Variants in TRABD2B observed in about 807,000 individuals in gnomAD.
TRABD2B encodes metalloprotease TIKI2.
Under a neutral mutation model 40.1 loss-of-function variants are expected in TRABD2B, and 14 were observed. That is an observed-to-expected ratio of 0.35 (90% confidence interval 0.23 to 0.55). The LOEUF (loss-of-function observed/expected upper bound fraction) is 0.55, where lower values mean the gene tolerates loss of function less well. TRABD2B is among the 20% of genes least tolerant of loss of function. The pLI is 0.90. For synonymous variants in TRABD2B, 263 were observed against 277.0 expected (o/e 0.95, Z 0.50); for missense variants, 541 against 648.6 (o/e 0.83, Z 1.80).
chr1:47,920,559 C>G (rs545401973), intron 2 of TRABD2B, among the ~76,000 whole-genome samples: 2 of 152,358 alleles, frequency 1.3e-5, no homozygotes, highest in East Asian at 3.9e-4. Context: ...AGCTGAAAAG[C>G]ATTCTTTAGC....
chr1:47,795,923 A>G (rs1295557888), intron 3 of TRABD2B, among the ~76,000 whole-genome samples: 1 of 152,170 alleles, frequency 6.6e-6, no homozygotes, highest in Non-Finnish European at 1.5e-5. Flanking sequence ...GCCCAGCCAC[A>G]TGGCCTGGGA....
At position 47,968,545 on chromosome 1, in the gene TRABD2B, C is replaced by T. The variant is rs550606420; in HGVS notation, c.666+25489G>A. ...ACACAGGTTCACACTTTGGCATGCA[C>T]ATGCGTGCACACACACACACACACG... On this transcript the variant is annotated intron_variant, in intron 2 of 6. Transcript: ENST00000606738. Among the ~76,000 whole-genome samples the T allele has an allele frequency of 7.9e-5, 12 of 152,280 alleles. 1 individual carries two copies. The highest frequency in any genetic ancestry group is 2.6e-4 in the African/African-American group (11 of 41,564).
chr1:47,960,769 GA>G, intron 2 of TRABD2B, among the ~76,000 whole-genome samples: 1 of 152,216 alleles, frequency 6.6e-6, no homozygotes, highest in Admixed American at 6.5e-5. Context: ...TCAATATCGT[GA>G]AAATGGCCAT....
intron 4 of TRABD2B, among the ~76,000 whole-genome samples, chr1:47,778,798 A>C (rs1644482403): frequency 6.6e-6 from 1 of 152,232 alleles, no homozygotes; most frequent in African/African-American, 2.4e-5. Flanking sequence ...CTGCAAAGTG[A>C]GAATGGCTGT....
chr1:47,766,787 T>A (rs1168466330), intron 6 of TRABD2B, among the ~76,000 whole-genome samples: 1 of 152,190 alleles, frequency 6.6e-6, no homozygotes. Context: ...TGGGTCTGCC[T>A]TACTTTGCAC....
chr1:47,828,673 A>T (rs1301871148), intron 2 of TRABD2B, among the ~76,000 whole-genome samples: 3 of 152,160 alleles, frequency 2.0e-5, no homozygotes, highest in Non-Finnish European at 4.4e-5. Flanking sequence ...GGGCTTCTTC[A>T]TCCTCAGCCT....
chr1:47,883,672 C>G (rs1466302953), intron 2 of TRABD2B, among the ~76,000 whole-genome samples: 1 of 152,026 alleles, frequency 6.6e-6, no homozygotes, highest in South Asian at 2.1e-4. Context: ...TATGTACTGT[C>G]TTCACCAAAA....
chr1:47,908,874 T>A (rs1644712943), intron 2 of TRABD2B, among the ~76,000 whole-genome samples: 1 of 152,248 alleles, frequency 6.6e-6, no homozygotes, highest in South Asian at 2.1e-4. Context: ...TAGGACAGTC[T>A]GTCTGAACTG....
intron 2 of TRABD2B, among the ~76,000 whole-genome samples, chr1:47,948,879 T>G (rs1645298652): frequency 6.6e-6 from 1 of 152,158 alleles, no homozygotes; most frequent in South Asian, 2.1e-4. Context: ...CCTCTCTCAC[T>G]TTTAGTCTCC....
chr1:47,942,244 T>C (rs1645197948), intron 2 of TRABD2B, among the ~76,000 whole-genome samples: 1 of 152,166 alleles, frequency 6.6e-6, no homozygotes, highest in African/African-American at 2.4e-5. Context: ...TCACGTTCTC[T>C]ACCTATGGGT....
intron 2 of TRABD2B, among the ~76,000 whole-genome samples, chr1:47,929,695 G>A (rs546931545): frequency 9.9e-5 from 15 of 152,160 alleles, no homozygotes; most frequent in Non-Finnish European, 1.8e-4. Context: ...CCCAGCTCGG[G>A]ACCTGGCAGA....
At chr1:47,990,109 A>G (rs1477619877) in intron 2 of TRABD2B, among the ~76,000 whole-genome samples, 3 of 152,234 alleles carry the variant, frequency 2.0e-5, no homozygotes, top group African/African-American at 7.2e-5. Context: ...GTAGAATTTT[A>G]CAAACATTTT....
intron 2 of TRABD2B, among the ~76,000 whole-genome samples, chr1:47,859,491 G>A (rs1433235093): frequency 6.6e-6 from 1 of 152,182 alleles, no homozygotes; most frequent in African/African-American, 2.4e-5. Flanking sequence ...TAGCCCCTGG[G>A]CATTACCTGC....
intron 4 of TRABD2B, among the ~76,000 whole-genome samples, chr1:47,781,090 T>C (rs1229575380): frequency 6.6e-6 from 1 of 152,100 alleles, no homozygotes; most frequent in African/African-American, 2.4e-5. Flanking sequence ...GGCGGGGTCA[T>C]CCCCACTCTT....
chr1:47,921,217 G>A (rs1359045640), intron 2 of TRABD2B, among the ~76,000 whole-genome samples: 1 of 152,136 alleles, frequency 6.6e-6, no homozygotes, highest in Non-Finnish European at 1.5e-5. Flanking sequence ...GACAGGTCAC[G>A]GTAGACCAAC....
At chr1:47,769,627 A>G (rs1266760418) in intron 6 of TRABD2B, among the ~76,000 whole-genome samples, 2 of 152,154 alleles carry the variant, frequency 1.3e-5, no homozygotes, top group Non-Finnish European at 2.9e-5. Flanking sequence ...TAGGCTCACA[A>G]TGGGGGAAAC....
At chr1:47,895,468 C>T (rs1056485639) in intron 2 of TRABD2B, among the ~76,000 whole-genome samples, 11 of 152,150 alleles carry the variant, frequency 7.2e-5, no homozygotes, top group Non-Finnish European at 1.6e-4. Flanking sequence ...GCCCCCCTCC[C>T]ACCACAGTTA....
Position 47,997,232 on chromosome 1 carries a change from G to A in TRABD2B, c.-443C>T. 5 of 982,968 alleles carry A rather than the reference G, an allele frequency of 5.1e-6. No individual in the cohort carries two copies. The highest frequency in any genetic ancestry group is 6.0e-6 in the Non-Finnish European group (5 of 829,016). The allele number at this position is 982,968 out of a possible 1,614,324, so 60.9% of individuals were successfully genotyped here. ...TGCGCGGCGCTCCAGGAGGCGCGCAGTGGGACAAGTGCGGCGGAAGGCGCG... is the reference window on the plus strand; with the variant it reads ...TGCGCGGCGCTCCAGGAGGCGCGCAATGGGACAAGTGCGGCGGAAGGCGCG... On this transcript the variant is annotated 5_prime_UTR_variant, in exon 1 of 7. Coordinates refer to ENST00000606738, the MANE Select transcript of TRABD2B (RefSeq NM_001194986.2).
chr1:47,878,295 G>T lies in TRABD2B; in HGVS notation c.667-76676C>A, dbSNP rs558674040. Reference sequence around the variant, plus strand: ...CACACCACTGCACTCCAGTCTGGACGACAGAGAGAGACTCTCCCCTGCACC... The same window carrying T: ...CACACCACTGCACTCCAGTCTGGACTACAGAGAGAGACTCTCCCCTGCACC... On this transcript the variant is annotated intron_variant, in intron 2 of 6. Transcript: ENST00000606738. Among the ~76,000 whole-genome samples the T allele has an allele frequency of 2.6e-5, 4 of 152,298 alleles. No homozygotes were observed. The South Asian group carries it at 8.3e-4, about 32-fold the overall frequency.
Sources: allele counts gnomAD v4.1 joint callset (sites outside exome capture counted in the v4.1 genomes callset), GRCh38; gene constraint gnomAD v4.1.1; transcripts MANE v1.5; gene names NCBI Gene and HGNC (gene_info 2026-07-23, HGNC 2026-07-21).